Variants in KLRC3 observed in about 807,000 individuals in gnomAD.
KLRC3 encodes killer cell lectin like receptor C3.
A neutral mutation model predicts 23.6 loss-of-function variants in KLRC3; 16 were observed. That is an observed-to-expected ratio of 0.68 (90% CI 0.46 to 1.03). The LOEUF (loss-of-function observed/expected upper bound fraction) is 1.03. KLRC3 is among the 50% of genes least tolerant of loss of function. The probability of loss-of-function intolerance (pLI) is 0.00; values close to 1 mark genes in which losing one functional copy is unlikely to be tolerated. For synonymous variants in KLRC3, 70 were observed against 71.8 expected (o/e 0.98, Z 0.13); for missense variants, 209 against 232.2 (o/e 0.90, Z 0.65).
chr12:10,419,637 T>A (rs1480044206), intron 2 of KLRC3: 1 of 770,034 alleles, frequency 1.3e-6, no homozygotes, highest in Non-Finnish European at 1.9e-6. Flanking sequence ...AAGTAATATT[T>A]AGATAAACCA....
chr12:10,418,664 A>G (rs35292462), intron 3 of KLRC3, among the ~76,000 whole-genome samples, 166 bp from the exon 4 acceptor site: 5 of 152,218 alleles, frequency 3.3e-5, no homozygotes, highest in African/African-American at 7.2e-5. Context: ...ATACACACAT[A>G]CACAGAAAAG....
rs556309419 is a variant in KLRC3, at chr12:10,416,811, A to G, written c.487-44T>C. On this transcript the variant is annotated intron_variant, in intron 4 of 6. Coordinates refer to ENST00000396439, the MANE Select transcript of KLRC3 (RefSeq NM_002261.3). ...TTTTCACTTAAATAATAATTATGAA[A>G]ACATTACAAAAACAATATATTAAAG... 46 of 1,466,520 alleles carry G rather than the reference A, an allele frequency of 3.1e-5. No homozygotes were observed. In the East Asian group the frequency reaches 6.0e-4, roughly 19 times the overall value. The allele number at this position is 1,466,520 out of a possible 1,614,324, so 90.8% of individuals were successfully genotyped here.
In KLRC3 at chr12:10,418,422, T is replaced by A. The variant is rs1170818982; in HGVS notation, c.408A>T (p.Arg136Ser). ...NSCYYIGKER[R>S]TWEESLQACA... ...AGGCCTGCAAACTCTCTTCCCAAGT[T>A]CTTCTTTCCTTACCAATGTAATAAC... Residue 136 changes from arginine (R) to serine (S), a missense_variant, in exon 4 of 7, where the codon AGA (arginine) becomes AGT (serine). Arg to Ser is a moderately radical substitution (Grantham distance 110). Transcript: ENST00000396439. 4 of 1,611,444 alleles carry A rather than the reference T, an allele frequency of 2.5e-6. No homozygotes were observed. The African/African-American group carries it at 5.3e-5, about 22-fold the overall frequency.
At position 10,418,498 on chromosome 12, in the gene KLRC3, G is replaced by C; in HGVS notation, c.332C>G (p.Ala111Gly). The C allele has an allele frequency of 6.4e-7, 1 of 1,571,766 alleles. No homozygotes were observed. The highest frequency in any genetic ancestry group is 8.7e-7 in the Non-Finnish European group (1 of 1,147,856). Reference protein sequence around the residue: ...NSSPNARTQKARHCGHCPEEW... With the variant: ...NSSPNARTQKGRHCGHCPEEW... ...CTCAGGACAATGGCCACAATGACGT[G>C]CTAATAAAGATATGAATTACTATCT... Residue 111 changes from alanine (A) to glycine (G), a missense_variant and splice_region_variant, in exon 4 of 7, where the codon GCA (alanine) becomes GGA (glycine). Around this residue, in one of 4 missense-constraint regions of KLRC3, gnomAD observed 109 missense variants for 113.2 expected, o/e 0.96. Coordinates refer to ENST00000396439, the MANE Select transcript of KLRC3 (RefSeq NM_002261.3).
At chr12:10,418,187 A>G (rs1156847682) in intron 4 of KLRC3, among the ~76,000 whole-genome samples, 157 bp downstream of exon 4, 1 of 152,240 alleles carries the variant, frequency 6.6e-6, no homozygotes, top group East Asian at 1.9e-4. Flanking sequence ...TTAGCGGTAT[A>G]TAACTTTAAA....
Position 10,416,670 on chromosome 12 carries a change from T to C in KLRC3, c.584A>G (p.His195Arg), listed in dbSNP as rs148120835. 29 of 1,610,502 alleles carry C rather than the reference T, an allele frequency of 1.8e-5. No individual in the cohort carries two copies. In the African/African-American group the frequency reaches 3.3e-4, roughly 19 times the overall value. Residue 195 changes from histidine to arginine, a missense_variant, in exon 5 of 7, where the codon CAT becomes CGT. Transcript: ENST00000396439. ...AGCACCCTATAAAACAACTTACTCA[T>C]GTTTGAAAGCCAAACCATTTATTGT... ...WVTINGLAFKHEIKDSDHAER... is the reference protein window; with the variant it reads ...WVTINGLAFKREIKDSDHAER...
chr12:10,418,413 T>C lies in KLRC3; in HGVS notation c.417A>G (p.Glu139=), dbSNP rs143660199. ...YYIGKERRTW[E]ESLQACASKN... ...TTGAAGCACAGGCCTGCAAACTCTC[T>C]TCCCAAGTTCTTCTTTCCTTACCAA... The change falls in exon 4 of 7, where the codon GAA becomes GAG. Residue 139 remains glutamate (E), a synonymous_variant. Transcript: ENST00000396439. 3 of 1,611,844 alleles carry C rather than the reference T, an allele frequency of 1.9e-6. No homozygotes were observed. Among genetic ancestry groups the C allele is most frequent in the South Asian group, 1.1e-5 (1 of 91,038 alleles).
At chr12:10,418,985 T>G (rs182561471) in intron 3 of KLRC3, 59 bp downstream of exon 3, 5,248 of 315,292 alleles carry the variant, frequency 0.017, 60 homozygotes, top group Non-Finnish European at 0.023. Flanking sequence ...TTACATGCCT[T>G]AAAACAGACA....
In KLRC3 at chr12:10,412,587, C is replaced by G. The variant is rs1863590572; in HGVS notation, c.708G>C (p.Leu236=). ...TTTCTTGAGCTCAGGAGTTCAAGAC[C>G]AGCCTGGTCAACATGATGAAACCCC... ...IRRGFIMLTR[L]VLNS The change falls in exon 7 of 7, where the codon CTG becomes CTC. Residue 236 remains leucine, a synonymous_variant. Transcript: ENST00000396439. The G allele has an allele frequency of 1.4e-6, 1 of 701,024 alleles. No individual in the cohort carries two copies. Among genetic ancestry groups the G allele is most frequent in the South Asian group, 1.5e-5 (1 of 67,442 alleles). 43.4% of individuals were successfully genotyped at this position (701,024 alleles called of 1,614,324 possible).
At chr12:10,414,767 A>T (rs1007124469) in intron 6 of KLRC3, among the ~76,000 whole-genome samples, 1 of 151,804 alleles carries the variant, frequency 6.6e-6, no homozygotes, top group African/African-American at 2.4e-5. Context: ...TAATAATAAT[A>T]AAAAAAGAAA....
At chr12:10,414,286 AAAAAAT>A (rs2137854989) in intron 6 of KLRC3, among the ~76,000 whole-genome samples, 1 of 152,208 alleles carries the variant, frequency 6.6e-6, no homozygotes, top group South Asian at 2.1e-4. Flanking sequence ...TCTAAGTAAT[AAAAAAT>A]AAAAATGTTA....
intron 6 of KLRC3, among the ~76,000 whole-genome samples, chr12:10,413,308 G>C (rs1378904584): frequency 2.0e-5 from 3 of 151,972 alleles, no homozygotes; most frequent in African/African-American, 7.3e-5. Context: ...CAAGATGAAT[G>C]GTCACAAAGG....
In KLRC3 at chr12:10,418,475, C is replaced by T. The variant is rs749108644; in HGVS notation, c.355G>A (p.Glu119Lys). The change falls in exon 4 of 7, where the codon GAG (glutamate) becomes AAG (lysine). Residue 119 changes from glutamate to lysine, a missense_variant. By Grantham distance (56) the Glu-to-Lys change is moderately conservative. Transcript: ENST00000396439. ...QKARHCGHCP[E>K]EWITYSNSCY... is the part of the protein sequence containing the mutation. Reference sequence around the variant, plus strand: ...CTGTTGGAATATGTAATCCACTCCTCAGGACAATGGCCACAATGACGTGCT... The same window carrying T: ...CTGTTGGAATATGTAATCCACTCCTTAGGACAATGGCCACAATGACGTGCT... 6.3e-7 allele frequency: 1 copy of T among 1,597,084 alleles called. No homozygotes were observed. Among genetic ancestry groups the T allele is most frequent in the Admixed American group, 1.7e-5 (1 of 59,840 alleles).
chr12:10,419,999 G>A lies in KLRC3; in HGVS notation c.188-35C>T, dbSNP rs1260745184. The A allele has an allele frequency of 3.1e-4, 117 of 372,796 alleles. No individual in the cohort carries two copies. In the Middle Eastern group the frequency reaches 5.8e-3, roughly 19 times the overall value. 23.1% of individuals were successfully genotyped at this position (372,796 alleles called of 1,614,324 possible). On this transcript the variant is annotated intron_variant, in intron 1 of 6. Transcript: ENST00000396439. ...GAGAAATAGAGGCACTGAGAGAGGG[G>A]AGATAGAGAGTTGATTAGGATTACA...
rs114491267 is a variant in KLRC3, at chr12:10,417,755, G to A, written c.486+589C>T. On this transcript the variant is annotated intron_variant, in intron 4 of 6. Coordinates refer to ENST00000396439, the MANE Select transcript of KLRC3 (RefSeq NM_002261.3). ...ACATAAGACAGAATGAATTCTTAGT[G>A]TTCTTTGTACATAGTACAGCAGTGA... is the stretch of plus-strand genomic sequence containing the variant. Among the ~76,000 whole-genome samples, 487 of 152,322 alleles carry A rather than the reference G, an allele frequency of 3.2e-3. 3 individuals carry two copies. The highest frequency in any genetic ancestry group is 0.017 in the Middle Eastern group (5 of 294).
intron 6 of KLRC3, chr12:10,415,488 A>T: frequency 2.6e-6 from 2 of 759,142 alleles, no homozygotes; most frequent in South Asian, 4.3e-5. Flanking sequence ...CACGTTCAGC[A>T]AAATGAGCCT....
In KLRC3 at chr12:10,412,622, A is replaced by G. The variant is rs1028929540; in HGVS notation, c.679-6T>C. 7.1e-6 allele frequency: 5 copies of G among 701,114 alleles called. No individual in the cohort carries two copies. Among genetic ancestry groups the G allele is most frequent in the African/African-American group, 1.8e-5 (1 of 57,072 alleles). The allele number at this position is 701,114 out of a possible 1,614,324, so 43.4% of individuals were successfully genotyped here. On this transcript the variant is annotated splice_region_variant and splice_polypyrimidine_tract_variant and intron_variant, in intron 6 of 6. Coordinates refer to ENST00000396439, the MANE Select transcript of KLRC3 (RefSeq NM_002261.3). ...AACATGATGAAACCCCGTCTCTACA[A>G]AAAAATACGAAAATTAGCCAGCATG...
intron 6 of KLRC3, among the ~76,000 whole-genome samples, chr12:10,412,844 T>TGAATA (rs1863592978): frequency 6.6e-6 from 1 of 152,198 alleles, no homozygotes; most frequent in Non-Finnish European, 1.5e-5. Context: ...TGATACAAGT[T>TGAATA]CAACATATAG....
chr12:10,418,253 A>T lies in KLRC3; in HGVS notation c.486+91T>A, dbSNP rs534677252. On this transcript the variant is annotated intron_variant, in intron 4 of 6. Transcript: ENST00000396439. Reference sequence around the variant, plus strand: ...CATACACTTGAAAATATATAAGCTAAATATATGTACACACATATGGATGTT... The same window carrying T: ...CATACACTTGAAAATATATAAGCTATATATATGTACACACATATGGATGTT... 361 of 1,216,622 alleles carry T rather than the reference A, an allele frequency of 3.0e-4. 7 individuals carry two copies. The South Asian group carries it at 5.1e-3, about 17-fold the overall frequency. The allele number at this position is 1,216,622 out of a possible 1,614,324, so 75.4% of individuals were successfully genotyped here. A position where few individuals can be genotyped will look rare whatever the true frequency, so the allele number is the denominator to read the frequency against.
Sources: allele counts gnomAD v4.1 joint callset (sites outside exome capture counted in the v4.1 genomes callset), GRCh38; gene constraint gnomAD v4.1.1; regional missense constraint gnomAD v4.1.1; transcripts MANE v1.5; gene names NCBI Gene and HGNC (gene_info 2026-07-23, HGNC 2026-07-21).